The following KIFAP3 variants were observed in gnomAD, a reference collection of about 807,000 sequenced individuals.
The protein encoded by KIFAP3 is kinesin-associated protein 3.
KIFAP3 carries 68 observed loss-of-function variants against 106.5 expected under a neutral mutation model. The ratio of observed to expected loss-of-function variants is 0.64; its 90% CI spans 0.53 to 0.78. The LOEUF is 0.78. Ranked by LOEUF, KIFAP3 falls within the 30% of genes least tolerant of loss-of-function variation. KIFAP3 has a pLI of 0.00. For missense variants in KIFAP3, 780 were observed against 941.8 expected, an observed-to-expected ratio of 0.83 and a Z score of 2.25; for synonymous variants, 320 against 311.5, an observed-to-expected ratio of 1.03 and a Z score of -0.29.
At position 170,016,528 on chromosome 1, in the gene KIFAP3, A is replaced by G. The variant is rs772431741; in HGVS notation, c.1117T>C (p.Phe373Leu). The G allele has an allele frequency of 6.2e-7, 1 of 1,610,098 alleles. No individual in the cohort carries two copies. The highest frequency in any genetic ancestry group is 8.5e-7 in the Non-Finnish European group (1 of 1,178,364). ...ATCTTATTCCTCAGTCCTGTGTCAA[A>G]GGATAGGTTTAGTAAAAGTCGGAGG... ...ITLRLLLNLS[F>L]DTGLRNKMVQ... Residue 373 changes from phenylalanine to leucine, a missense_variant, in exon 10 of 20, where the codon TTT becomes CTT. Phe to Leu is a conservative substitution (Grantham distance 22). Around this residue, in one of 3 missense-constraint regions of KIFAP3, gnomAD observed 588 missense variants for 678.9 expected, o/e 0.87. Transcript: ENST00000361580.
chr1:170,049,076 C>T (rs1670433161), intron 2 of KIFAP3, among the ~76,000 whole-genome samples: 1 of 152,210 alleles, frequency 6.6e-6, no homozygotes, highest in African/African-American at 2.4e-5. Flanking sequence ...GAACCACTGG[C>T]TTGAAATTCT....
intron 19 of KIFAP3, among the ~76,000 whole-genome samples, chr1:169,927,295 A>G (rs1256283337): frequency 1.3e-5 from 2 of 152,224 alleles, no homozygotes; most frequent in South Asian, 2.1e-4. Flanking sequence ...GTCCTTGACT[A>G]TAAGGATTGG....
At chr1:169,991,910 T>C (rs1667125059) in intron 11 of KIFAP3, among the ~76,000 whole-genome samples, 1 of 152,052 alleles carries the variant, frequency 6.6e-6, no homozygotes, top group African/African-American at 2.4e-5. Context: ...AATCTCAATA[T>C]ATTATTTTTT....
chr1:169,950,867 C>A (rs1045196995), intron 19 of KIFAP3, among the ~76,000 whole-genome samples: 9 of 151,758 alleles, frequency 5.9e-5, no homozygotes, highest in Admixed American at 1.3e-4. Flanking sequence ...CATTATGCAG[C>A]AAAATTATCA....
At chr1:169,925,646 C>T (rs897347689) in intron 19 of KIFAP3, among the ~76,000 whole-genome samples, 23 of 152,086 alleles carry the variant, frequency 1.5e-4, no homozygotes, top group African/African-American at 5.5e-4. Context: ...ACAAAGAAAT[C>T]TGGAAATGAC....
At chr1:170,046,274 T>C (rs1670251728) in intron 3 of KIFAP3, among the ~76,000 whole-genome samples, 1 of 145,480 alleles carries the variant, frequency 6.9e-6, no homozygotes, top group South Asian at 2.2e-4. Context: ...ATCTTTAGGA[T>C]AGTCTAAGGC....
At chr1:169,937,926 GA>G (rs1173606422) in intron 19 of KIFAP3, among the ~76,000 whole-genome samples, 1 of 151,768 alleles carries the variant, frequency 6.6e-6, no homozygotes, top group Non-Finnish European at 1.5e-5. Flanking sequence ...CTTTCTCCAT[GA>G]AAAATATAAC....
rs1666552071 is a variant in KIFAP3 at position 169,982,080 on chromosome 1, G to C, written c.1690C>G (p.Leu564Val). 6.2e-7 allele frequency: 1 copy of C among 1,613,246 alleles called. No individual in the cohort carries two copies. Among genetic ancestry groups the C allele is most frequent in the Non-Finnish European group, 8.5e-7 (1 of 1,179,576 alleles). The part of the protein sequence containing the change: ...KLKPGAAEDD[L>V]VLEVVIMIGT... ...ATCATTATAACCACTTCTAAAACAA[G>C]ATCATCTTCTGCAGCACCTAGTGAA... is the stretch of plus-strand genomic sequence containing the variant. Residue 564 changes from leucine (L) to valine (V), a missense_variant, in exon 15 of 20, where the codon CTT (leucine) becomes GTT (valine). Transcript: ENST00000361580.
chr1:170,076,088 T>C (rs1184825749), upstream of KIFAP3, among the ~76,000 whole-genome samples: 1 of 152,328 alleles, frequency 6.6e-6, no homozygotes, highest in East Asian at 1.9e-4. Flanking sequence ...ACAAGGATTT[T>C]TGGAATGTAA....
intron 19 of KIFAP3, among the ~76,000 whole-genome samples, chr1:169,929,677 T>C (rs1663355040): frequency 6.6e-6 from 1 of 152,138 alleles, no homozygotes; most frequent in Admixed American, 6.5e-5. Flanking sequence ...TGCATAATTA[T>C]AAATTTTCCT....
chr1:169,998,554 A>G (rs1274089282), intron 10 of KIFAP3, among the ~76,000 whole-genome samples: 1 of 152,128 alleles, frequency 6.6e-6, no homozygotes, highest in African/African-American at 2.4e-5. Flanking sequence ...TTATGTGAGT[A>G]AAGTTTCCCC....
In KIFAP3 at chr1:169,967,930, A is replaced by T. The variant is rs116314513; in HGVS notation, c.1983+4583T>A. Among the ~76,000 whole-genome samples, 1,080 of 151,896 alleles carry T rather than the reference A, an allele frequency of 7.1e-3. 18 individuals carry two copies. Among genetic ancestry groups the T allele is most frequent in the African/African-American group, 0.024 (988 of 41,498 alleles). ...CCCCATATCAGAAAATAATTATGAG[A>T]ATTCAGGGATATCACAGCTGAATCA... On this transcript the variant is annotated intron_variant, in intron 17 of 19. Transcript: ENST00000361580.
At chr1:170,041,784 G>A in intron 3 of KIFAP3, 1 of 1,528,832 alleles carries the variant, frequency 6.5e-7, no homozygotes, top group East Asian at 2.4e-5. Flanking sequence ...CTCCTGATCT[G>A]TTGGCCTCCT....
intron 3 of KIFAP3, chr1:170,041,794 T>C (rs1453489495): frequency 2.0e-6 from 3 of 1,523,012 alleles, no homozygotes; most frequent in African/African-American, 2.7e-5. Flanking sequence ...GTTGGCCTCC[T>C]TAAAGGTCGT....
intron 18 of KIFAP3, among the ~76,000 whole-genome samples, 153 bp from the exon 19 acceptor site, chr1:169,954,263 C>T (rs1664890062): frequency 6.6e-6 from 1 of 152,182 alleles, no homozygotes; most frequent in African/African-American, 2.4e-5. Context: ...GAACAGACAA[C>T]TGTATGTACC....
At chr1:169,972,461 C>G in intron 17 of KIFAP3, 52 bp downstream of exon 17, 1 of 883,516 alleles carries the variant, frequency 1.1e-6, no homozygotes, top group Non-Finnish European at 1.8e-6. Context: ...CAATGACTTT[C>G]TCCCCCAAGA....
At chr1:169,984,547 T>C (rs1159316162) in intron 12 of KIFAP3, 35 bp downstream of exon 12, 5 of 961,336 alleles carry the variant, frequency 5.2e-6, no homozygotes, top group Non-Finnish European at 8.3e-6. Flanking sequence ...AAATACCATA[T>C]GCTAAAAAAG....
At chr1:169,930,740 C>T (rs1022714040) in intron 19 of KIFAP3, among the ~76,000 whole-genome samples, 3 of 152,012 alleles carry the variant, frequency 2.0e-5, no homozygotes, top group African/African-American at 7.2e-5. Context: ...TTCAATATTC[C>T]GGTTGGTGTT....
At chr1:170,063,748 A>C (rs530896782) in intron 1 of KIFAP3, among the ~76,000 whole-genome samples, 1 of 152,260 alleles carries the variant, frequency 6.6e-6, no homozygotes, top group Non-Finnish European at 1.5e-5. Flanking sequence ...AAGTGTTCCC[A>C]ACCTGGCTCT....
Sources: allele counts gnomAD v4.1 joint callset (sites outside exome capture counted in the v4.1 genomes callset), GRCh38; gene constraint gnomAD v4.1.1; regional missense constraint gnomAD v4.1.1; transcripts MANE v1.5; gene names NCBI Gene and HGNC (gene_info 2026-07-23, HGNC 2026-07-21).